The following ADAMTS2 variants were observed in gnomAD, a reference collection of about 807,000 sequenced individuals.
ADAMTS2 encodes ADAM metallopeptidase with thrombospondin type 1 motif 2.
Under a neutral mutation model 123.0 loss-of-function variants are expected in ADAMTS2, and 50 were observed. That is an observed-to-expected ratio of 0.41 (90% confidence interval 0.32 to 0.51). The LOEUF (loss-of-function observed/expected upper bound fraction) is 0.51. Ranked by LOEUF, ADAMTS2 falls within the 20% of genes least tolerant of loss-of-function variation. The pLI is 0.35. For synonymous variants in ADAMTS2, 678 were observed against 695.4 expected, an observed-to-expected ratio of 0.98 and a Z score of 0.39; for missense variants, 1,494 against 1,705.2, an observed-to-expected ratio of 0.88 and a Z score of 2.18.
rs1581235835 is a variant in ADAMTS2, at chr5:179,272,643, C to A, written c.688+268G>T. Among the ~76,000 whole-genome samples, 1 of 152,178 alleles carries A rather than the reference C, an allele frequency of 6.6e-6. No homozygotes were observed. The highest frequency in any genetic ancestry group is 1.5e-5 in the Non-Finnish European group (1 of 68,028). On this transcript the variant is annotated intron_variant, in intron 3 of 21. Transcript: ENST00000251582. The surrounding 1 kb of genome is among the most constrained non-coding windows in gnomAD (Gnocchi z 5.8). Reference sequence around the variant, plus strand: ...TGGGCCCTTGGACAGCCTTCATAGTCCACCATGGAGGCCCCAGACATGAAG... The same window carrying A: ...TGGGCCCTTGGACAGCCTTCATAGTACACCATGGAGGCCCCAGACATGAAG...
In ADAMTS2 at chr5:179,189,050, G is replaced by A. The variant is rs917275653; in HGVS notation, c.892-7895C>T. On this transcript the variant is annotated intron_variant, in intron 4 of 21. Transcript: ENST00000251582. The surrounding 1 kb of genome is among the most constrained non-coding windows in gnomAD (Gnocchi z 4.2). ...TTTCATGGGTGCCAGCATGGGCTCT[G>A]CCACAATCCTGCTGCGTGACTTGGG... is the stretch of plus-strand genomic sequence containing the variant. Among the ~76,000 whole-genome samples the A allele has an allele frequency of 6.6e-6, 1 of 152,188 alleles. No individual in the cohort carries two copies. Among genetic ancestry groups the A allele is most frequent in the Non-Finnish European group, 1.5e-5 (1 of 68,034 alleles).
rs1762897749 is a variant in ADAMTS2, at chr5:179,128,386, T to TTTTG, written c.2458-272_2458-269dup. On this transcript the variant is annotated intron_variant, in intron 16 of 21. Coordinates refer to ENST00000251582, the MANE Select transcript of ADAMTS2 (RefSeq NM_014244.5). This position sits in a 1 kb window ranked among gnomAD's most constrained non-coding sequence, Gnocchi z 4.9. Reference sequence around the variant, plus strand: ...GTTTTATGTGTGAGTCTGTTTATTTTTTTGTTTGTTTTTGTTTGTTTTTGA... The same window carrying TTTTG: ...GTTTTATGTGTGAGTCTGTTTATTTTTTTGTTTGTTTGTTTTTGTTTGTTTTTGA... Among the ~76,000 whole-genome samples the TTTTG allele has an allele frequency of 6.6e-6, 1 of 151,458 alleles. No homozygotes were observed. The highest frequency in any genetic ancestry group is 6.6e-5 in the Admixed American group (1 of 15,226).
At chr5:179,248,820 A>C (rs550217073) in intron 3 of ADAMTS2, among the ~76,000 whole-genome samples, 12 of 152,282 alleles carry the variant, frequency 7.9e-5, no homozygotes, top group African/African-American at 2.4e-4. Context: ...ACTTTCAAAA[A>C]TGGATAAAAC....
rs1764305954 is a variant in ADAMTS2, at chr5:179,191,467, G to A, written c.892-10312C>T. On this transcript the variant is annotated intron_variant, in intron 4 of 21. Coordinates refer to ENST00000251582, the MANE Select transcript of ADAMTS2 (RefSeq NM_014244.5). ...CCTGGGTCCGTTTGAGCACCACCAT[G>A]TAATTTGAGAACAATGCATTTTTAT... 2.6e-5 allele frequency among the ~76,000 whole-genome samples: 4 copies of A among 152,214 alleles called. No homozygotes were observed. The South Asian group carries it at 8.3e-4, about 31-fold the overall frequency.
intron 10 of ADAMTS2, among the ~76,000 whole-genome samples, chr5:179,144,313 G>A (rs1763219293): frequency 6.6e-6 from 1 of 152,194 alleles, no homozygotes; most frequent in African/African-American, 2.4e-5. Flanking sequence ...ACATCTCAAT[G>A]TTCATTGATC....
chr5:179,294,073 T>A (rs963894650), intron 2 of ADAMTS2, among the ~76,000 whole-genome samples: 1 of 152,000 alleles, frequency 6.6e-6, no homozygotes, highest in Non-Finnish European at 1.5e-5. Flanking sequence ...CAGACCAGCA[T>A]AGTGAGGCCT....
intron 2 of ADAMTS2, among the ~76,000 whole-genome samples, chr5:179,326,192 TTGTGTGTGCGTGTG>T (rs1394582007): frequency 7.6e-6 from 1 of 130,828 alleles, no homozygotes; most frequent in African/African-American, 2.7e-5. Context: ...GAAATGGCGT[TTGTGTGTGCGTGTG>T]TGTGTGTGTG....
chr5:179,315,262 C>CACAGTTGGCTTCTGGAAAGCACTGAGGCT (rs1756957352), intron 2 of ADAMTS2, among the ~76,000 whole-genome samples: 1 of 152,048 alleles, frequency 6.6e-6, no homozygotes, highest in African/African-American at 2.4e-5. Context: ...GCACTGAGGC[C>CACAGTTGGCTTCTGGAAAGCACTGAGGCT]ACAGTTGGCT....
rs777783258 is a variant in ADAMTS2, at chr5:179,170,785, C to G, written c.975+10287G>C. 4.7e-4 allele frequency among the ~76,000 whole-genome samples: 72 copies of G among 152,192 alleles called. 1 individual carries two copies. The highest frequency in any genetic ancestry group is 2.8e-4 in the Non-Finnish European group (19 of 68,032). ...GCTACTGCCTGGACACAGGGCTCCT[C>G]TCCCCTCCTCGTTCATGCACCTCCC... is the stretch of plus-strand genomic sequence containing the variant. On this transcript the variant is annotated intron_variant, in intron 5 of 21. Transcript: ENST00000251582. The surrounding 1 kb of genome is among the most constrained non-coding windows in gnomAD (Gnocchi z 4.3).
intron 19 of ADAMTS2, among the ~76,000 whole-genome samples, chr5:179,123,364 G>A (rs1308152876): frequency 6.6e-6 from 1 of 152,236 alleles, no homozygotes; most frequent in African/African-American, 2.4e-5. Context: ...AGCAGACCTG[G>A]ATTGCTCAAA....
At chr5:179,183,435 G>C (rs1013903902) in intron 4 of ADAMTS2, among the ~76,000 whole-genome samples, 4 of 152,216 alleles carry the variant, frequency 2.6e-5, no homozygotes, top group African/African-American at 9.6e-5. Context: ...ATACAGAACA[G>C]TCCTGACATC....
chr5:179,217,202 T>C (rs1261857264), intron 3 of ADAMTS2, among the ~76,000 whole-genome samples: 2 of 152,164 alleles, frequency 1.3e-5, no homozygotes, highest in African/African-American at 4.8e-5. Context: ...GGTTAGAAGT[T>C]TGATATCTAC....
intron 2 of ADAMTS2, among the ~76,000 whole-genome samples, chr5:179,322,275 G>A (rs569341920): frequency 1.8e-4 from 27 of 152,364 alleles, no homozygotes; most frequent in East Asian, 1.5e-3. Flanking sequence ...GGGACCCAGC[G>A]CAGGTGGGGA....
rs1757516769 is a variant in ADAMTS2, at chr5:179,332,834, A to G, written c.534+10933T>C. On this transcript the variant is annotated intron_variant, in intron 2 of 21. Transcript: ENST00000251582. The surrounding 1 kb of genome is among the most constrained non-coding windows in gnomAD (Gnocchi z 4.2). The stretch of plus-strand genomic sequence containing the variant: ...CCTGCCTGGGAGGGCACTGAGGAGC[A>G]CCAAGGAGGATGCCTACCACTGCCC... Among the ~76,000 whole-genome samples, 2 of 152,118 alleles carry G rather than the reference A, an allele frequency of 1.3e-5. No homozygotes were observed. Among genetic ancestry groups the G allele is most frequent in the South Asian group, 4.2e-4 (2 of 4,816 alleles).
rs926303864 is a variant in ADAMTS2, at chr5:179,294,645, T to G, written c.535-21581A>C. 1.5e-3 allele frequency among the ~76,000 whole-genome samples: 230 copies of G among 152,252 alleles called. 1 individual carries two copies. The highest frequency in any genetic ancestry group is 5.2e-3 in the African/African-American group (218 of 41,566). On this transcript the variant is annotated intron_variant, in intron 2 of 21. Transcript: ENST00000251582. Reference sequence around the variant, plus strand: ...CCCTGCCCCCGCCCCCACTGCAGCTTCCCCGCAGGGCTGCACCCACATCCG... The same window carrying G: ...CCCTGCCCCCGCCCCCACTGCAGCTGCCCCGCAGGGCTGCACCCACATCCG...
At chr5:179,288,808 G>A (rs956038391) in intron 2 of ADAMTS2, among the ~76,000 whole-genome samples, 3 of 152,188 alleles carry the variant, frequency 2.0e-5, no homozygotes, top group African/African-American at 4.8e-5. Flanking sequence ...ACAGATCCTG[G>A]TCCTCACAAG....
Position 179,159,606 on chromosome 5 carries a change from G to A in ADAMTS2, c.976-727C>T, listed in dbSNP as rs116048850. 9.5e-3 allele frequency among the ~76,000 whole-genome samples: 1,444 copies of A among 152,240 alleles called. 25 individuals carry two copies. The highest frequency in any genetic ancestry group is 0.033 in the African/African-American group (1,383 of 41,540). On this transcript the variant is annotated intron_variant, in intron 5 of 21. Coordinates refer to ENST00000251582, the MANE Select transcript of ADAMTS2 (RefSeq NM_014244.5). ...ATCCCATTCCATTTTGTATCATGACGCACACCTGACAGCTAGGGTGGCCTC... is the reference window on the plus strand; with the variant it reads ...ATCCCATTCCATTTTGTATCATGACACACACCTGACAGCTAGGGTGGCCTC...
intron 2 of ADAMTS2, among the ~76,000 whole-genome samples, chr5:179,318,149 C>A (rs887091336): frequency 6.6e-6 from 1 of 152,212 alleles, no homozygotes; most frequent in Non-Finnish European, 1.5e-5. Context: ...ATCCAAGGCT[C>A]CAGCCACTCT....
Position 179,132,634 on chromosome 5 carries a change from C to T in ADAMTS2, c.2209+143G>A. ...TGTCCCCGACTTAGGATTCTCCCTCCCCCTCAGTGTCACAGACCTCTCCCC... is the reference window on the plus strand; with the variant it reads ...TGTCCCCGACTTAGGATTCTCCCTCTCCCTCAGTGTCACAGACCTCTCCCC... On this transcript the variant is annotated intron_variant, in intron 14 of 21. Transcript: ENST00000251582. This position sits in a 1 kb window ranked among gnomAD's most constrained non-coding sequence, Gnocchi z 6.1. 8.2e-7 allele frequency: 1 copy of T among 1,217,374 alleles called. No homozygotes were observed. Among genetic ancestry groups the T allele is most frequent in the Non-Finnish European group, 1.2e-6 (1 of 844,218 alleles). The allele number at this position is 1,217,374 out of a possible 1,614,324, so 75.4% of individuals were successfully genotyped here. A position where few individuals can be genotyped will look rare whatever the true frequency, so the allele number is the denominator to read the frequency against.
Sources: gnomAD v4.1 joint callset for allele counts (sites outside exome capture counted in the v4.1 genomes callset) on GRCh38, gnomAD v4.1.1 for gene constraint, Gnocchi (gnomAD v3.1) non-coding constraint, MANE v1.5 for transcripts, NCBI Gene and HGNC (gene_info 2026-07-23, HGNC 2026-07-21) for gene names.